ALKAL1: variants seen among roughly 807,000 people sequenced by gnomAD.
The protein encoded by ALKAL1 is ALK and LTK ligand 1.
Under a neutral mutation model 13.5 loss-of-function variants are expected in ALKAL1, and 23 were observed. That is an observed-to-expected ratio of 1.70 (90% CI 1.23 to 2.41). The LOEUF is 2.41. Among genes scored for constraint, ALKAL1 ranks in the 30% most tolerant of loss-of-function variants. The probability of loss-of-function intolerance (pLI) is 0.00; values close to 1 mark genes in which losing one functional copy is unlikely to be tolerated. For synonymous variants in ALKAL1, 85 were observed against 77.7 expected (o/e 1.09, Z -0.49); for missense variants, 181 against 178.4 (o/e 1.01, Z -0.08).
chr8:52,540,247 A>G (rs1220197337), intron 2 of ALKAL1, among the ~76,000 whole-genome samples: 1 of 152,244 alleles, frequency 6.6e-6, no homozygotes, highest in Non-Finnish European at 1.5e-5. Context: ...AGTACAAACA[A>G]TAAGTATCTT....
rs1847275539 is a variant in ALKAL1 at position 52,537,533 on chromosome 8, C to G, written c.*12+898G>C. On this transcript the variant is annotated intron_variant, in intron 4 of 4. Transcript: ENST00000358543. ...AGGGATACCTGCACCCCCATGTTTA[C>G]TGCAGTACTATCCACAATAGCCAAG... Among the ~76,000 whole-genome samples the G allele has an allele frequency of 2.0e-5, 3 of 152,136 alleles. No homozygotes were observed. The South Asian group carries it at 6.2e-4, about 32-fold the overall frequency.
At chr8:52,548,975 C>T (rs751708535) in intron 1 of ALKAL1, among the ~76,000 whole-genome samples, 31 of 152,044 alleles carry the variant, frequency 2.0e-4, no homozygotes, top group Non-Finnish European at 4.3e-4. Flanking sequence ...AAATATAATG[C>T]AGTACAACCA....
At chr8:52,550,503 C>T (rs1847418995) in intron 1 of ALKAL1, among the ~76,000 whole-genome samples, 1 of 152,202 alleles carries the variant, frequency 6.6e-6, no homozygotes, top group African/African-American at 2.4e-5. Context: ...CGGATTCTGC[C>T]TTCAGAAACG....
At chr8:52,540,546 C>A (rs999699852) in intron 2 of ALKAL1, among the ~76,000 whole-genome samples, 5 of 151,866 alleles carry the variant, frequency 3.3e-5, no homozygotes, top group African/African-American at 1.2e-4. Context: ...AGCACCATAG[C>A]AAGACCCTGT....
intron 1 of ALKAL1, among the ~76,000 whole-genome samples, chr8:52,544,723 A>C (rs538525663): frequency 6.6e-6 from 1 of 152,210 alleles, no homozygotes; most frequent in South Asian, 2.1e-4. Context: ...ATATGGGATA[A>C]TGACTAAGAG....
intron 1 of ALKAL1, among the ~76,000 whole-genome samples, chr8:52,561,163 C>T (rs1272472656): frequency 6.6e-6 from 1 of 152,128 alleles, no homozygotes; most frequent in Non-Finnish European, 1.5e-5. Context: ...TAAATTGTTA[C>T]TCACCAGGTA....
At chr8:52,554,676 T>C (rs2063045421) in intron 1 of ALKAL1, among the ~76,000 whole-genome samples, 1 of 152,230 alleles carries the variant, frequency 6.6e-6, no homozygotes. Context: ...GAATCTTTCA[T>C]GGATTTTATG....
intron 1 of ALKAL1, among the ~76,000 whole-genome samples, chr8:52,548,556 C>T (rs1297283083): frequency 1.3e-5 from 2 of 152,002 alleles, no homozygotes; most frequent in Non-Finnish European, 2.9e-5. Flanking sequence ...ATGCTAATGA[C>T]CCTGACCAGA....
chr8:52,543,870 C>T (rs1324989123), intron 1 of ALKAL1, among the ~76,000 whole-genome samples: 1 of 152,068 alleles, frequency 6.6e-6, no homozygotes, highest in Non-Finnish European at 1.5e-5. Context: ...ATTCTATTTC[C>T]AAAAGCATTT....
chr8:52,537,993 G>A (rs1289523541), intron 4 of ALKAL1, among the ~76,000 whole-genome samples: 1 of 151,956 alleles, frequency 6.6e-6, no homozygotes, highest in Non-Finnish European at 1.5e-5. Context: ...CTACTTGAGA[G>A]GCTGAGGCAG....
rs1274638703 is a variant in ALKAL1 at position 52,534,455 on chromosome 8, C to G, written c.*158G>C. 7 of 431,640 alleles carry G rather than the reference C, an allele frequency of 1.6e-5. No homozygotes were observed. The highest frequency in any genetic ancestry group is 2.8e-5 in the Non-Finnish European group (7 of 247,388). 26.7% of individuals were successfully genotyped at this position (431,640 alleles called of 1,614,324 possible). On this transcript the variant is annotated 3_prime_UTR_variant, in exon 5 of 5. Coordinates refer to ENST00000358543, the MANE Select transcript of ALKAL1 (RefSeq NM_207413.4). ...AAGCAAGAAAGACTCCATTCTATGA[C>G]AGGAAACAGCTAACCAGTTATTTCT...
At chr8:52,550,116 G>C (rs1397567521) in intron 1 of ALKAL1, among the ~76,000 whole-genome samples, 3 of 152,072 alleles carry the variant, frequency 2.0e-5, no homozygotes, top group Non-Finnish European at 4.4e-5. Context: ...TTCTATTACA[G>C]TTTAAGATAT....
chr8:52,550,854 A>T (rs954028619), intron 1 of ALKAL1, among the ~76,000 whole-genome samples: 2 of 151,778 alleles, frequency 1.3e-5, no homozygotes, highest in African/African-American at 4.8e-5. Flanking sequence ...GGCCAATTCT[A>T]CTCCACTATG....
At chr8:52,564,434 T>G (rs1210253046) in intron 1 of ALKAL1, among the ~76,000 whole-genome samples, 1 of 152,162 alleles carries the variant, frequency 6.6e-6, no homozygotes, top group Non-Finnish European at 1.5e-5. Flanking sequence ...CTCATGACCC[T>G]CTAGAGCAGC....
At chr8:52,559,661 T>A (rs1015425985) in intron 1 of ALKAL1, among the ~76,000 whole-genome samples, 1 of 152,188 alleles carries the variant, frequency 6.6e-6, no homozygotes, top group Non-Finnish European at 1.5e-5. Flanking sequence ...CTGAAACAGA[T>A]GATCCCAGGA....
intron 1 of ALKAL1, among the ~76,000 whole-genome samples, chr8:52,555,682 C>G (rs1161896163): frequency 6.6e-6 from 1 of 152,126 alleles, no homozygotes. Flanking sequence ...CTAGAGGCAG[C>G]CCTTAGTGCC....
intron 1 of ALKAL1, among the ~76,000 whole-genome samples, chr8:52,552,508 T>A (rs1044890926): frequency 2.6e-5 from 4 of 152,224 alleles, no homozygotes; most frequent in Non-Finnish European, 5.9e-5. Context: ...GGACATAGTA[T>A]CTACATGCAT....
intron 1 of ALKAL1, among the ~76,000 whole-genome samples, chr8:52,551,753 A>C (rs969755270): frequency 6.6e-6 from 1 of 152,120 alleles, no homozygotes; most frequent in African/African-American, 2.4e-5. Context: ...TTCTGTGACA[A>C]ATAGCTTTAA....
chr8:52,538,802 C>A (rs1847287150), intron 3 of ALKAL1, among the ~76,000 whole-genome samples: 1 of 152,182 alleles, frequency 6.6e-6, no homozygotes, highest in African/African-American at 2.4e-5. Flanking sequence ...GCTTGGCTAC[C>A]ATTAGTCATT....
Sources: gnomAD v4.1 joint callset for allele counts (sites outside exome capture counted in the v4.1 genomes callset) on GRCh38, gnomAD v4.1.1 for gene constraint, MANE v1.5 for transcripts, NCBI Gene and HGNC (gene_info 2026-07-23, HGNC 2026-07-21) for gene names.